The following SMAP1 variants were observed in gnomAD, a reference collection of about 807,000 sequenced individuals.
SMAP1 encodes small ArfGAP 1.
A neutral mutation model predicts 58.5 loss-of-function variants in SMAP1; 24 were observed. The ratio of observed to expected loss-of-function variants is 0.41; its 90% CI spans 0.30 to 0.58. The LOEUF is 0.58. Ranked by LOEUF, SMAP1 falls within the 20% of genes least tolerant of loss-of-function variation. The pLI, the probability that SMAP1 is intolerant of heterozygous loss-of-function variation, is 0.29. For missense variants in SMAP1, 563 were observed against 566.3 expected, an observed-to-expected ratio of 0.99 and a Z score of 0.06; for synonymous variants, 216 against 196.6, an observed-to-expected ratio of 1.10 and a Z score of -0.82.
At chr6:70,747,361 G>A (rs1215716930) in intron 2 of SMAP1, among the ~76,000 whole-genome samples, 2 of 152,182 alleles carry the variant, frequency 1.3e-5, no homozygotes, top group Non-Finnish European at 2.9e-5. Context: ...TGTCGTGTTT[G>A]AGAAAGTAGT....
At chr6:70,757,709 G>A (rs1355210958) in intron 3 of SMAP1, among the ~76,000 whole-genome samples, 4 of 152,168 alleles carry the variant, frequency 2.6e-5, no homozygotes, top group African/African-American at 7.2e-5. Flanking sequence ...AGTGGGCGAA[G>A]GACATGAACA....
At chr6:70,851,894 T>C (rs568177094) in intron 7 of SMAP1, among the ~76,000 whole-genome samples, 3 of 152,282 alleles carry the variant, frequency 2.0e-5, no homozygotes, top group East Asian at 3.9e-4. Flanking sequence ...ATTTTGGAGT[T>C]TTATGGATGC....
In SMAP1 at chr6:70,856,868, T is replaced by A; in HGVS notation, c.799T>A (p.Ser267Thr). 6.2e-7 allele frequency: 1 copy of A among 1,612,194 alleles called. No individual in the cohort carries two copies. Among genetic ancestry groups the A allele is most frequent in the Non-Finnish European group, 8.5e-7 (1 of 1,178,892 alleles). The change falls in exon 9 of 11, where the codon TCT (serine) becomes ACT (threonine). Residue 267 changes from serine (S) to threonine (T), a missense_variant. Ser to Thr is a moderately conservative substitution (Grantham distance 58, BLOSUM62 1). Transcript: ENST00000370455. Reference protein sequence around the residue: ...TVMPPAQGTPSAPAAATLSTV... With the variant: ...TVMPPAQGTPTAPAAATLSTV... ...TTGGTGTTTGTCTCAGGGGACACCCTCTGCACCAGCAGCTGCAACCCTGTC... is the reference window on the plus strand; with the variant it reads ...TTGGTGTTTGTCTCAGGGGACACCCACTGCACCAGCAGCTGCAACCCTGTC...
At chr6:70,826,394 T>C (rs1347654600) in intron 6 of SMAP1, among the ~76,000 whole-genome samples, 1 of 137,158 alleles carries the variant, frequency 7.3e-6, no homozygotes, top group Non-Finnish European at 1.6e-5. Context: ...TTCAAAAGGA[T>C]TTTTTTTTTT....
intron 1 of SMAP1, among the ~76,000 whole-genome samples, chr6:70,723,349 A>G (rs1444862524): frequency 6.6e-6 from 1 of 152,186 alleles, no homozygotes; most frequent in African/African-American, 2.4e-5. Context: ...CTCAATGTAT[A>G]CCTTAAATGT....
At chr6:70,705,036 G>C (rs1352818186) in intron 1 of SMAP1, among the ~76,000 whole-genome samples, 1 of 152,040 alleles carries the variant, frequency 6.6e-6, no homozygotes, top group Non-Finnish European at 1.5e-5. Flanking sequence ...ATTTCCCTGA[G>C]GATACCCAGT....
chr6:70,757,769 A>G (rs1269192535), intron 3 of SMAP1, among the ~76,000 whole-genome samples: 1 of 152,262 alleles, frequency 6.6e-6, no homozygotes, highest in Non-Finnish European at 1.5e-5. Context: ...ACATGAAAAA[A>G]TGCTCATTAT....
At chr6:70,742,591 G>T (rs1582096544) in intron 2 of SMAP1, among the ~76,000 whole-genome samples, 1 of 152,164 alleles carries the variant, frequency 6.6e-6, no homozygotes, top group Non-Finnish European at 1.5e-5. Flanking sequence ...CTTCTTCTGA[G>T]CCCTCCAAAC....
intron 1 of SMAP1, among the ~76,000 whole-genome samples, chr6:70,703,930 C>G (rs1362259242): frequency 6.6e-6 from 1 of 152,152 alleles, no homozygotes; most frequent in Non-Finnish European, 1.5e-5. Flanking sequence ...TTGTAAGGCT[C>G]TCACCTAGTT....
chr6:70,702,460 G>GT (rs1392510236), intron 1 of SMAP1, among the ~76,000 whole-genome samples: 2 of 151,880 alleles, frequency 1.3e-5, no homozygotes, highest in Non-Finnish European at 2.9e-5. Flanking sequence ...TCTTTTAGCA[G>GT]TTTTTTCTTC....
At position 70,801,072 on chromosome 6, in the gene SMAP1, A is replaced by G. The variant is rs569200759; in HGVS notation, c.576+2335A>G. Among the ~76,000 whole-genome samples the G allele has an allele frequency of 2.6e-5, 4 of 152,330 alleles. No individual in the cohort carries two copies. In the East Asian group the frequency reaches 7.7e-4, roughly 29 times the overall value. Reference sequence around the variant, plus strand: ...TGGGTCAAATGGTATTTCTAGTTCTAGATCCTTGGGGAATTGCCACACTGT... The same window carrying G: ...TGGGTCAAATGGTATTTCTAGTTCTGGATCCTTGGGGAATTGCCACACTGT... On this transcript the variant is annotated intron_variant, in intron 6 of 10. Coordinates refer to ENST00000370455, the MANE Select transcript of SMAP1 (RefSeq NM_001044305.3).
At chr6:70,835,688 G>A (rs919099866) in intron 6 of SMAP1, among the ~76,000 whole-genome samples, 2 of 151,952 alleles carry the variant, frequency 1.3e-5, no homozygotes, top group Non-Finnish European at 2.9e-5. Context: ...TTCATTTTTT[G>A]TAGAGACAGA....
chr6:70,770,287 T>C (rs1767217878), intron 3 of SMAP1, among the ~76,000 whole-genome samples: 1 of 152,112 alleles, frequency 6.6e-6, no homozygotes, highest in African/African-American at 2.4e-5. Context: ...TGAATCTGAA[T>C]GTTGGCCTTC....
At chr6:70,858,418 GTTA>G (rs779961124) in intron 10 of SMAP1, 189 bp downstream of exon 10, 225 of 507,894 alleles carry the variant, frequency 4.4e-4, no homozygotes, top group African/African-American at 1.1e-3. Context: ...CAAATGATGT[GTTA>G]TTATCGCTAT....
At chr6:70,840,720 T>C (rs1043979302) in intron 7 of SMAP1, among the ~76,000 whole-genome samples, 5 of 152,348 alleles carry the variant, frequency 3.3e-5, no homozygotes, top group Admixed American at 2.0e-4. Context: ...GACTACTATT[T>C]ATTATAGTAC....
chr6:70,805,053 C>G (rs1003062289), intron 6 of SMAP1, among the ~76,000 whole-genome samples: 1 of 151,766 alleles, frequency 6.6e-6, no homozygotes, highest in Non-Finnish European at 1.5e-5. Flanking sequence ...GCCTGTCTTG[C>G]TAGGTTGGGT....
chr6:70,800,673 C>A (rs1282891596), intron 6 of SMAP1, among the ~76,000 whole-genome samples: 1 of 151,608 alleles, frequency 6.6e-6, no homozygotes, highest in Admixed American at 6.6e-5. Context: ...CCCAGCCCCC[C>A]ACCCCCTGAC....
intron 6 of SMAP1, 125 bp downstream of exon 6, chr6:70,798,862 G>A (rs1435412301): frequency 2.7e-6 from 2 of 733,538 alleles, no homozygotes; most frequent in African/African-American, 1.8e-5. Flanking sequence ...CAATTGTTGA[G>A]TGAATGCTGT....
At chr6:70,772,781 G>A (rs1767384731) in intron 3 of SMAP1, 2 of 152,138 alleles carry the variant, frequency 1.3e-5, no homozygotes, top group African/African-American at 4.8e-5. Context: ...AATACATGTG[G>A]AATCCTATAT....
Sources: gnomAD v4.1 joint callset for allele counts (sites outside exome capture counted in the v4.1 genomes callset) on GRCh38, gnomAD v4.1.1 for gene constraint, MANE v1.5 for transcripts, NCBI Gene and HGNC (gene_info 2026-07-23, HGNC 2026-07-21) for gene names.